The following FER1L6 variants were observed in gnomAD, a reference collection of about 807,000 sequenced individuals.
FER1L6 encodes fer-1-like protein 6.
FER1L6 carries 177 observed loss-of-function variants against 219.2 expected under a neutral mutation model. The ratio of observed to expected loss-of-function variants is 0.81; its 90% CI spans 0.71 to 0.91. FER1L6 has a LOEUF of 0.91. Ranked by LOEUF, FER1L6 falls within the 40% of genes least tolerant of loss-of-function variation. The pLI, the probability that FER1L6 is intolerant of heterozygous loss-of-function variation, is 0.00. For missense variants in FER1L6, 2,153 were observed against 2,259.9 expected (o/e 0.95, Z 0.96); for synonymous variants, 768 against 824.3 (o/e 0.93, Z 1.17).
In FER1L6 at chr8:124,021,550, G is replaced by C; in HGVS notation, c.2014G>C (p.Glu672Gln). The change falls in exon 17 of 41, where the codon GAA (glutamate) becomes CAA (glutamine). Residue 672 changes from glutamate to glutamine, a missense_variant and splice_region_variant. Coordinates refer to ENST00000522917, the MANE Select transcript of FER1L6 (RefSeq NM_001039112.2). ...KRLTLCWQELEAMCKEAKGII... is the reference protein window; with the variant it reads ...KRLTLCWQELQAMCKEAKGII... ...CACACTGACTCTTGTCTTGTTTTAGGAAGCAATGTGCAAGGAGGCCAAGGG... is the reference window on the plus strand; with the variant it reads ...CACACTGACTCTTGTCTTGTTTTAGCAAGCAATGTGCAAGGAGGCCAAGGG... The C allele has an allele frequency of 6.2e-7, 1 of 1,613,936 alleles. No individual in the cohort carries two copies.
rs200622039 is a variant in FER1L6 at position 123,966,061 on chromosome 8, A to C, written c.252A>C (p.Gln84His). 2.5e-6 allele frequency: 4 copies of C among 1,613,770 alleles called. No homozygotes were observed. The East Asian group carries it at 8.9e-5, about 36-fold the overall frequency. ...GGGAGGTCAGATCCCAAAATTATCA[A>C]GTAAGTGATTGGCTCTTCCTGCCCA... ...HDGEVRSQNY[Q>H]IAITITEARQ... Residue 84 changes from glutamine to histidine, a missense_variant and splice_region_variant, in exon 4 of 41, where the codon CAA becomes CAC. Gln to His is a conservative substitution (Grantham distance 24). Coordinates refer to ENST00000522917, the MANE Select transcript of FER1L6 (RefSeq NM_001039112.2).
chr8:123,983,497 T>C (rs1586552060), intron 11 of FER1L6, among the ~76,000 whole-genome samples: 1 of 152,162 alleles, frequency 6.6e-6, no homozygotes, highest in South Asian at 2.1e-4. Flanking sequence ...GAAATATAAA[T>C]GTAACAGGAA....
At chr8:124,011,075 G>A (rs572053111) in intron 14 of FER1L6, among the ~76,000 whole-genome samples, 2 of 152,200 alleles carry the variant, frequency 1.3e-5, no homozygotes, top group East Asian at 1.9e-4. Context: ...CTGGCATAGT[G>A]GACAACTGCC....
At chr8:124,086,087 T>C (rs1192994546) in intron 33 of FER1L6, among the ~76,000 whole-genome samples, 1 of 152,206 alleles carries the variant, frequency 6.6e-6, no homozygotes, top group Non-Finnish European at 1.5e-5. Context: ...ATTTTTAGTC[T>C]ATGTGTATCT....
chr8:123,912,077 G>T (rs1054339085), intron 1 of FER1L6, among the ~76,000 whole-genome samples: 2 of 152,048 alleles, frequency 1.3e-5, no homozygotes, highest in South Asian at 2.1e-4. Context: ...GCAACTTCTG[G>T]CATGAACATT....
At chr8:124,097,991 G>A (rs1822384611) in intron 37 of FER1L6, 108 bp downstream of exon 37, 1 of 578,984 alleles carries the variant, frequency 1.7e-6, no homozygotes, top group Non-Finnish European at 3.1e-6. Flanking sequence ...AGCCCACAAA[G>A]TGAGCCATCT....
Position 123,938,315 on chromosome 8 carries a change from T to G in FER1L6, c.-7-17677T>G, listed in dbSNP as rs1814084885. 1.3e-5 allele frequency among the ~76,000 whole-genome samples: 2 copies of G among 152,142 alleles called. 1 individual carries two copies. Among genetic ancestry groups the G allele is most frequent in the South Asian group, 4.1e-4 (2 of 4,830 alleles). ...TTGAGCTTTTGCATCTCCAGAAAAT[T>G]TACAGAAAAGCTACATCATGACTTG... On this transcript the variant is annotated intron_variant, in intron 1 of 40. Coordinates refer to ENST00000522917, the MANE Select transcript of FER1L6 (RefSeq NM_001039112.2).
intron 1 of FER1L6, among the ~76,000 whole-genome samples, chr8:123,887,864 C>A (rs1817233282): frequency 6.6e-6 from 1 of 152,000 alleles, no homozygotes; most frequent in Non-Finnish European, 1.5e-5. Flanking sequence ...TTGTGCAGAT[C>A]CAGATAAAAT....
chr8:123,922,498 AC>A (rs1813397579), intron 1 of FER1L6, among the ~76,000 whole-genome samples: 1 of 152,116 alleles, frequency 6.6e-6, no homozygotes, highest in South Asian at 2.1e-4. Context: ...CTGGGCCCGG[AC>A]TTTGTGCAGG....
intron 1 of FER1L6, among the ~76,000 whole-genome samples, chr8:123,856,034 TGA>T (rs201032219): frequency 0.045 from 4,739 of 104,926 alleles, 31 homozygotes; most frequent in African/African-American, 0.076. Context: ...CATATGTATA[TGA>T]GATATATGTA....
chr8:123,960,933 C>T (rs778429170), intron 2 of FER1L6, among the ~76,000 whole-genome samples: 1 of 152,140 alleles, frequency 6.6e-6, no homozygotes, highest in Non-Finnish European at 1.5e-5. Context: ...GGAATAACCT[C>T]GTCTGGCATC....
intron 2 of FER1L6, among the ~76,000 whole-genome samples, chr8:123,962,772 T>C (rs1441187201): frequency 6.6e-6 from 1 of 152,046 alleles, no homozygotes; most frequent in Non-Finnish European, 1.5e-5. Flanking sequence ...GAATTACAGG[T>C]GTCTGCCACC....
chr8:123,987,405 A>G (rs1816638319), intron 12 of FER1L6, among the ~76,000 whole-genome samples: 1 of 152,056 alleles, frequency 6.6e-6, no homozygotes, highest in African/African-American at 2.4e-5. Flanking sequence ...AGAGCTCCTT[A>G]TAGCTTCTGG....
intron 1 of FER1L6, among the ~76,000 whole-genome samples, chr8:123,859,970 CTATTAT>C (rs199891284): frequency 3.4e-5 from 4 of 117,960 alleles, no homozygotes; most frequent in Admixed American, 1.7e-4. Flanking sequence ...ATTATTATTA[CTATTAT>C]TATTATTATT....
At chr8:123,909,309 G>A (rs527244471) in intron 1 of FER1L6, among the ~76,000 whole-genome samples, 3 of 152,250 alleles carry the variant, frequency 2.0e-5, no homozygotes, top group African/African-American at 7.2e-5. Flanking sequence ...AGTGGATAGA[G>A]TGAAATCTTC....
At position 123,993,534 on chromosome 8, in the gene FER1L6, T is replaced by TAA. The variant is rs1179683366; in HGVS notation, c.1519+7359_1519+7360insAA. ...CTGCCTGACTGTTTTGGGGTAGAGT[T>TAA]ACAGACTTTCCTGCTGAGCCCAGCA... On this transcript the variant is annotated intron_variant, in intron 12 of 40. Transcript: ENST00000522917. Among the ~76,000 whole-genome samples the TAA allele has an allele frequency of 2.6e-5, 4 of 152,052 alleles. No homozygotes were observed. In the East Asian group the frequency reaches 7.7e-4, roughly 29 times the overall value.
At chr8:124,014,099 T>G (rs1247507198) in intron 15 of FER1L6, among the ~76,000 whole-genome samples, 1 of 152,106 alleles carries the variant, frequency 6.6e-6, no homozygotes, top group Non-Finnish European at 1.5e-5. Context: ...AGAAAAGGCA[T>G]GCAAATGTAT....
At chr8:124,112,487 A>G (rs983699526) in intron 39 of FER1L6, among the ~76,000 whole-genome samples, 2 of 152,232 alleles carry the variant, frequency 1.3e-5, no homozygotes, top group African/African-American at 4.8e-5. Context: ...GCACTATGCA[A>G]TTTATATGCC....
intron 13 of FER1L6, 74 bp from the exon 14 acceptor site, chr8:124,010,520 A>G (rs1817873517): frequency 8.2e-6 from 13 of 1,576,076 alleles, no homozygotes; most frequent in Non-Finnish European, 1.0e-5. Flanking sequence ...AACGTATAAA[A>G]CATTAACGTG....
Sources: gnomAD v4.1 joint callset for allele counts (sites outside exome capture counted in the v4.1 genomes callset) on GRCh38, gnomAD v4.1.1 for gene constraint, MANE v1.5 for transcripts, NCBI Gene and HGNC (gene_info 2026-07-23, HGNC 2026-07-21) for gene names.